MAPKAP1: variants seen among roughly 807,000 people sequenced by gnomAD.
The protein encoded by MAPKAP1 is target of rapamycin complex 2 subunit MAPKAP1.
A neutral mutation model predicts 65.7 loss-of-function variants in MAPKAP1; 20 were observed. That is an observed-to-expected ratio of 0.30 (90% CI 0.21 to 0.44). The LOEUF (loss-of-function observed/expected upper bound fraction) is 0.44, where lower values mean the gene tolerates loss of function less well. Among genes scored for constraint, MAPKAP1 ranks in the 20% least tolerant of loss-of-function variants. The probability of loss-of-function intolerance (pLI) is 1.00; values close to 1 mark genes in which losing one functional copy is unlikely to be tolerated. For missense variants in MAPKAP1, 423 were observed against 648.0 expected (o/e 0.65, Z 3.77); for synonymous variants, 222 against 244.3 (o/e 0.91, Z 0.85).
chr9:125,663,246 ATCCTGCC>A (rs1287272712), intron 3 of MAPKAP1, among the ~76,000 whole-genome samples: 23 of 152,344 alleles, frequency 1.5e-4, no homozygotes, highest in Admixed American at 1.2e-3. Context: ...ACCAACAGGC[ATCCTGCC>A]TTGTTATTCT....
At chr9:125,655,701 T>C (rs969694050) in intron 4 of MAPKAP1, among the ~76,000 whole-genome samples, 9 of 152,230 alleles carry the variant, frequency 5.9e-5, no homozygotes, top group African/African-American at 2.2e-4. Context: ...AAGGGTTTAA[T>C]TGTATTTTAG....
At chr9:125,704,614 T>C (rs775770082) in intron 1 of MAPKAP1, among the ~76,000 whole-genome samples, 3 of 152,168 alleles carry the variant, frequency 2.0e-5, no homozygotes, top group African/African-American at 7.2e-5. Context: ...ATTTATTAAC[T>C]GGAAAAGTTA....
chr9:125,626,732 A>G (rs192712132), intron 4 of MAPKAP1, among the ~76,000 whole-genome samples: 1 of 152,344 alleles, frequency 6.6e-6, no homozygotes, highest in East Asian at 1.9e-4. Flanking sequence ...AGATTTACCA[A>G]TAATAAAGTA....
chr9:125,528,246 A>C (rs1178964715), intron 7 of MAPKAP1, among the ~76,000 whole-genome samples: 2 of 152,182 alleles, frequency 1.3e-5, no homozygotes, highest in African/African-American at 2.4e-5. Context: ...CACAAGCCTA[A>C]GTGGCTGAGG....
At chr9:125,559,904 T>A in intron 5 of MAPKAP1, 95 bp from the exon 6 acceptor site, 1 of 1,229,528 alleles carries the variant, frequency 8.1e-7, no homozygotes, top group Non-Finnish European at 1.1e-6. Context: ...TTGAGGAGAC[T>A]GCTTTTCTTT....
chr9:125,467,839 A>G, intron 10 of MAPKAP1, 133 bp downstream of exon 10: 1 of 985,702 alleles, frequency 1.0e-6, no homozygotes, highest in South Asian at 1.7e-5. Flanking sequence ...ATTAAAAGAA[A>G]TTTCTGGTAA....
At chr9:125,504,754 C>T (rs1829088955) in intron 8 of MAPKAP1, among the ~76,000 whole-genome samples, 1 of 152,108 alleles carries the variant, frequency 6.6e-6, no homozygotes, top group Admixed American at 6.5e-5. Flanking sequence ...GATCACACTA[C>T]CGAACTCCAG....
chr9:125,502,267 A>T (rs1829006673), intron 8 of MAPKAP1, among the ~76,000 whole-genome samples: 1 of 151,822 alleles, frequency 6.6e-6, no homozygotes, highest in Non-Finnish European at 1.5e-5. Flanking sequence ...ATGCCTGGCT[A>T]ATTTTTAAAT....
chr9:125,642,458 C>T (rs530322522), intron 4 of MAPKAP1, among the ~76,000 whole-genome samples: 2 of 152,242 alleles, frequency 1.3e-5, no homozygotes, highest in African/African-American at 2.4e-5. Context: ...CTAAGACCAA[C>T]TAGACCCAAT....
chr9:125,538,305 G>A (rs1230504166), intron 7 of MAPKAP1, among the ~76,000 whole-genome samples: 4 of 152,178 alleles, frequency 2.6e-5, no homozygotes, highest in African/African-American at 4.8e-5. Flanking sequence ...GAGTCATGGT[G>A]ACTTGGACCC....
intron 5 of MAPKAP1, among the ~76,000 whole-genome samples, chr9:125,567,400 A>C (rs1383692824): frequency 6.6e-6 from 1 of 152,214 alleles, no homozygotes; most frequent in African/African-American, 2.4e-5. Flanking sequence ...TGGCAACAAG[A>C]GCGACCTCTG....
chr9:125,567,079 C>T (rs1162645407), intron 5 of MAPKAP1, among the ~76,000 whole-genome samples: 1 of 152,202 alleles, frequency 6.6e-6, no homozygotes. Flanking sequence ...CTGCCACACT[C>T]TCCATATTGA....
At chr9:125,542,040 C>T (rs1343357420) in intron 7 of MAPKAP1, among the ~76,000 whole-genome samples, 2 of 152,180 alleles carry the variant, frequency 1.3e-5, no homozygotes, top group Non-Finnish European at 2.9e-5. Flanking sequence ...TCATCTACAA[C>T]CGCCCCTACC....
intron 4 of MAPKAP1, among the ~76,000 whole-genome samples, chr9:125,642,527 C>G (rs974408065): frequency 3.3e-5 from 5 of 152,196 alleles, no homozygotes; most frequent in African/African-American, 1.2e-4. Context: ...CATTAACATA[C>G]TAAATCACAC....
At chr9:125,669,388 G>A (rs12343235) in intron 3 of MAPKAP1, among the ~76,000 whole-genome samples, 48,262 of 151,940 alleles carry the variant, frequency 0.32, 8,954 homozygotes, top group Middle Eastern at 0.44. Context: ...GTTGAGGCAG[G>A]AGAATCGCTT....
intron 5 of MAPKAP1, among the ~76,000 whole-genome samples, chr9:125,580,244 T>A (rs1172143288): frequency 6.6e-6 from 1 of 152,202 alleles, no homozygotes; most frequent in African/African-American, 2.4e-5. Context: ...CACATGTGTT[T>A]ACTGTGGCAC....
chr9:125,618,645 C>T (rs543340243), intron 4 of MAPKAP1, among the ~76,000 whole-genome samples: 110 of 152,230 alleles, frequency 7.2e-4, no homozygotes, highest in African/African-American at 2.6e-3. Flanking sequence ...ACAGAAAAGA[C>T]CTATAGTCAC....
intron 1 of MAPKAP1, among the ~76,000 whole-genome samples, chr9:125,684,539 T>C (rs537956870): frequency 1.3e-5 from 2 of 152,366 alleles, no homozygotes; most frequent in East Asian, 1.9e-4. Context: ...AACTAAACTA[T>C]AGAACTTTGC....
At chr9:125,667,220 T>C (rs1186341791) in intron 3 of MAPKAP1, among the ~76,000 whole-genome samples, 2 of 152,170 alleles carry the variant, frequency 1.3e-5, no homozygotes, top group African/African-American at 2.4e-5. Flanking sequence ...GGGGAGCAAA[T>C]AAAATCCTCT....
Sources: allele counts gnomAD v4.1 joint callset (sites outside exome capture counted in the v4.1 genomes callset), GRCh38; gene constraint gnomAD v4.1.1; transcripts MANE v1.5; gene names NCBI Gene and HGNC (gene_info 2026-07-23, HGNC 2026-07-21).